FGF14: variants seen among roughly 807,000 people sequenced by gnomAD.
FGF14 encodes the protein fibroblast growth factor 14, also known as fibroblast growth factor homologous factor 4.
In FGF14, 5 loss-of-function variants were observed where a neutral mutation model predicts 25.5. The observed-to-expected ratio is 0.20, with a 90% confidence interval of 0.10 to 0.41. The LOEUF is 0.41. Among genes scored for constraint, FGF14 ranks in the 10% least tolerant of loss-of-function variants. FGF14 has a pLI of 1.00. For synonymous variants in FGF14, 138 were observed against 118.3 expected (o/e 1.17, Z -1.08); for missense variants, 222 against 320.1 (o/e 0.69, Z 2.34).
chr13:102,216,368 A>C (rs1267459519), intron 1 of FGF14, among the ~76,000 whole-genome samples: 1 of 152,210 alleles, frequency 6.6e-6, no homozygotes, highest in Non-Finnish European at 1.5e-5. Flanking sequence ...GGGGACAATC[A>C]TTTATTCACA....
At chr13:102,268,917 G>T (rs2053121175) in intron 1 of FGF14, among the ~76,000 whole-genome samples, 2 of 152,022 alleles carry the variant, frequency 1.3e-5, no homozygotes. Flanking sequence ...CATTCAATAG[G>T]TTACTGAGAA....
chr13:102,304,517 G>A (rs1003959737), intron 1 of FGF14, among the ~76,000 whole-genome samples: 7 of 152,118 alleles, frequency 4.6e-5, no homozygotes, highest in South Asian at 2.1e-4. Flanking sequence ...AAAAGGAATC[G>A]GTGGTCCTAA....
intron 1 of FGF14, among the ~76,000 whole-genome samples, chr13:101,910,608 T>TC (rs1257323045): frequency 6.6e-6 from 1 of 152,134 alleles, no homozygotes; most frequent in African/African-American, 2.4e-5. Flanking sequence ...GTAGTACCTA[T>TC]CATAAAATGG....
At chr13:102,095,523 T>C (rs962964791) in intron 1 of FGF14, among the ~76,000 whole-genome samples, 2 of 152,184 alleles carry the variant, frequency 1.3e-5, no homozygotes, top group Admixed American at 6.5e-5. Context: ...GAAATTACAA[T>C]GTATTTTCAT....
At chr13:101,763,555 G>A (rs2139921331) in intron 3 of FGF14, among the ~76,000 whole-genome samples, 1 of 151,708 alleles carries the variant, frequency 6.6e-6, no homozygotes, top group African/African-American at 2.4e-5. Flanking sequence ...GCGTTAATTT[G>A]AGGTAAGAAA....
chr13:102,390,597 A>C (rs1366936425), intron 1 of FGF14, among the ~76,000 whole-genome samples: 1 of 152,170 alleles, frequency 6.6e-6, no homozygotes, highest in Non-Finnish European at 1.5e-5. Context: ...GGTACTCTCC[A>C]GTAACTTCCT....
At chr13:102,322,443 T>C (rs1338433932) in intron 1 of FGF14, among the ~76,000 whole-genome samples, 1 of 152,148 alleles carries the variant, frequency 6.6e-6, no homozygotes, top group Non-Finnish European at 1.5e-5. Flanking sequence ...ATCCTATAAC[T>C]GCCATGATTT....
At chr13:101,937,435 G>T (rs2035175879) in intron 1 of FGF14, among the ~76,000 whole-genome samples, 1 of 152,148 alleles carries the variant, frequency 6.6e-6, no homozygotes, top group African/African-American at 2.4e-5. Context: ...GAGATCCCAG[G>T]GTTGTGCACA....
chr13:102,195,700 G>C (rs958818986), intron 1 of FGF14, among the ~76,000 whole-genome samples: 1 of 151,078 alleles, frequency 6.6e-6, no homozygotes, highest in Non-Finnish European at 1.5e-5. Context: ...GCTGAGGCTG[G>C]TGGATCACTT....
At chr13:102,179,447 C>T (rs1294346191) in intron 1 of FGF14, among the ~76,000 whole-genome samples, 1 of 152,072 alleles carries the variant, frequency 6.6e-6, no homozygotes, top group Non-Finnish European at 1.5e-5. Flanking sequence ...AGCCCTAGGC[C>T]TGCACATTCC....
intron 1 of FGF14, among the ~76,000 whole-genome samples, chr13:102,082,345 C>G (rs1316732059): frequency 1.3e-5 from 2 of 151,850 alleles, no homozygotes; most frequent in South Asian, 2.1e-4. Context: ...CTCTTGTTAG[C>G]TTGTATTCAT....
At chr13:102,342,782 T>C (rs1217424961) in intron 1 of FGF14, among the ~76,000 whole-genome samples, 1 of 152,022 alleles carries the variant, frequency 6.6e-6, no homozygotes, top group Admixed American at 6.6e-5. Flanking sequence ...AGAACACCAG[T>C]GGAGGGCAAA....
chr13:102,356,297 G>A (rs539659210), intron 1 of FGF14, among the ~76,000 whole-genome samples: 1 of 152,126 alleles, frequency 6.6e-6, no homozygotes, highest in East Asian at 1.9e-4. Flanking sequence ...TTTTTAAAAC[G>A]CAACCATGCA....
chr13:101,988,581 T>A (rs920966987), intron 1 of FGF14, among the ~76,000 whole-genome samples: 1 of 151,798 alleles, frequency 6.6e-6, no homozygotes, highest in African/African-American at 2.4e-5. Context: ...CTGGAAACCA[T>A]CATTCTCAGC....
chr13:102,030,935 A>G (rs2041178232), intron 1 of FGF14, among the ~76,000 whole-genome samples: 1 of 152,136 alleles, frequency 6.6e-6, no homozygotes, highest in Non-Finnish European at 1.5e-5. Flanking sequence ...ATTAAGATCC[A>G]TGTTACATAG....
chr13:102,261,916 C>T (rs1240639952), intron 1 of FGF14, among the ~76,000 whole-genome samples: 1 of 152,112 alleles, frequency 6.6e-6, no homozygotes, highest in Non-Finnish European at 1.5e-5. Context: ...AGATGGGATG[C>T]ATGGCTTCAT....
At chr13:102,087,697 T>A (rs2043988382) in intron 1 of FGF14, among the ~76,000 whole-genome samples, 1 of 151,616 alleles carries the variant, frequency 6.6e-6, no homozygotes, top group African/African-American at 2.4e-5. Context: ...GTGCTGGGAT[T>A]ACAGGCGTGA....
upstream of FGF14, among the ~76,000 whole-genome samples, chr13:101,918,213 C>T (rs550689140): frequency 2.0e-5 from 3 of 152,042 alleles, no homozygotes; most frequent in Admixed American, 6.6e-5. Context: ...AACAAAAAGC[C>T]GGGGGGAGGT....
intron 1 of FGF14, among the ~76,000 whole-genome samples, chr13:102,211,486 A>T (rs2050158149): frequency 1.3e-5 from 2 of 152,156 alleles, no homozygotes. Context: ...TTTAGCTCAA[A>T]ATTAATCAGA....
Sources: allele counts gnomAD v4.1 joint callset (sites outside exome capture counted in the v4.1 genomes callset), GRCh38; gene constraint gnomAD v4.1.1; transcripts MANE v1.5; gene names NCBI Gene and HGNC (gene_info 2026-07-23, HGNC 2026-07-21).